Variants in ITGA9 observed in about 807,000 individuals in gnomAD.
The protein encoded by ITGA9 is integrin subunit alpha 9, also known as integrin alpha-9.
A neutral mutation model predicts 127.8 loss-of-function variants in ITGA9; 56 were observed. That is an observed-to-expected ratio of 0.44 (90% CI 0.35 to 0.55). ITGA9 has a LOEUF of 0.55. Ranked by LOEUF, ITGA9 falls within the 20% of genes least tolerant of loss-of-function variation. The probability of loss-of-function intolerance (pLI) is 0.00; values close to 1 mark genes in which losing one functional copy is unlikely to be tolerated. For synonymous variants in ITGA9, 508 were observed against 514.5 expected (o/e 0.99, Z 0.17); for missense variants, 1,196 against 1,347.1 (o/e 0.89, Z 1.76).
intron 14 of ITGA9, among the ~76,000 whole-genome samples, chr3:37,541,719 G>A (rs542835138): frequency 3.2e-4 from 48 of 152,158 alleles, no homozygotes; most frequent in Non-Finnish European, 4.1e-4. Flanking sequence ...CAAAATGTTT[G>A]ATCACCACAC....
chr3:37,479,950 GA>G (rs1170160656), intron 3 of ITGA9, among the ~76,000 whole-genome samples: 1 of 152,146 alleles, frequency 6.6e-6, no homozygotes, highest in Non-Finnish European at 1.5e-5. Flanking sequence ...TATCACTTAC[GA>G]AAACAATGCG....
chr3:37,725,063 C>A (rs17036823), intron 18 of ITGA9, among the ~76,000 whole-genome samples: 2,853 of 152,298 alleles, frequency 0.019, 84 homozygotes, highest in African/African-American at 0.065. Context: ...TCTTTCATGA[C>A]CCCTGCTGGA....
At chr3:37,721,139 T>A (rs1701185999) in intron 18 of ITGA9, among the ~76,000 whole-genome samples, 2 of 104,832 alleles carry the variant, frequency 1.9e-5, no homozygotes, top group South Asian at 3.5e-4. Context: ...TTTTTTTTTT[T>A]AAGAAAAAAT....
chr3:37,815,816 G>A (rs1340023863), intron 27 of ITGA9, among the ~76,000 whole-genome samples: 2 of 152,186 alleles, frequency 1.3e-5, no homozygotes, highest in Non-Finnish European at 2.9e-5. Context: ...TCACAGTTCT[G>A]TGGGTTGGCT....
intron 18 of ITGA9, among the ~76,000 whole-genome samples, chr3:37,690,618 C>G (rs139992079): frequency 6.6e-6 from 1 of 152,240 alleles, no homozygotes; most frequent in East Asian, 1.9e-4. Flanking sequence ...CATGAGGGCT[C>G]CCAGCTGACT....
chr3:37,723,506 G>A (rs951772283), intron 18 of ITGA9, among the ~76,000 whole-genome samples: 37 of 152,188 alleles, frequency 2.4e-4, no homozygotes, highest in African/African-American at 8.4e-4. Context: ...GGCTACAGAT[G>A]TGTGCTACTA....
rs1387993194 is a variant in ITGA9 at position 37,452,686 on chromosome 3, C to G, written c.185+127C>G. ...CCCGAGGGGGCGATTTAAATGTCTC[C>G]GTTGCGCGCGGCTCGGCCGCCGGGG... is the stretch of plus-strand genomic sequence containing the variant. On this transcript the variant is annotated intron_variant, in intron 1 of 27. Coordinates refer to ENST00000264741, the MANE Select transcript of ITGA9 (RefSeq NM_002207.3). This position sits in a 1 kb window ranked among gnomAD's most constrained non-coding sequence, Gnocchi z 7.3. 17 of 818,102 alleles carry G rather than the reference C, an allele frequency of 2.1e-5. No homozygotes were observed. The highest frequency in any genetic ancestry group is 2.9e-5 in the Non-Finnish European group (17 of 586,570). The allele number at this position is 818,102 out of a possible 1,614,324, so 50.7% of individuals were successfully genotyped here.
chr3:37,537,746 G>C (rs1378712584), intron 14 of ITGA9, among the ~76,000 whole-genome samples: 2 of 152,218 alleles, frequency 1.3e-5, no homozygotes, highest in Non-Finnish European at 2.9e-5. Flanking sequence ...GGCCCCTTGT[G>C]TGGCATGCAC....
intron 22 of ITGA9, chr3:37,748,790 A>G (rs1398315739): frequency 1.4e-6 from 1 of 730,714 alleles, no homozygotes; most frequent in Admixed American, 2.1e-5. Flanking sequence ...ACAGAAAGAT[A>G]CCTGGGTCCA....
chr3:37,672,473 G>T (rs1356310393), intron 17 of ITGA9, among the ~76,000 whole-genome samples: 1 of 152,190 alleles, frequency 6.6e-6, no homozygotes, highest in Non-Finnish European at 1.5e-5. Context: ...CAGCCATGTG[G>T]AACTGTGAGT....
intron 9 of ITGA9, among the ~76,000 whole-genome samples, chr3:37,515,931 C>T (rs1024740169): frequency 6.6e-6 from 1 of 152,128 alleles, no homozygotes; most frequent in African/African-American, 2.4e-5. Context: ...CTTATTGGTA[C>T]CTGTTGCAGG....
intron 27 of ITGA9, among the ~76,000 whole-genome samples, chr3:37,810,365 G>A (rs1047395266): frequency 1.3e-5 from 2 of 152,112 alleles, no homozygotes; most frequent in Non-Finnish European, 2.9e-5. Context: ...CTACTAGGTG[G>A]CAGGCCCTGG....
chr3:37,547,321 C>T (rs182095531), intron 15 of ITGA9, among the ~76,000 whole-genome samples: 1 of 152,330 alleles, frequency 6.6e-6, no homozygotes, highest in East Asian at 1.9e-4. Context: ...TAAGTGGCTG[C>T]AGCTCCTTCC....
intron 15 of ITGA9, among the ~76,000 whole-genome samples, chr3:37,620,172 G>A (rs1700114435): frequency 6.6e-6 from 1 of 152,208 alleles, no homozygotes; most frequent in Non-Finnish European, 1.5e-5. Context: ...AGGGGCATGG[G>A]TCACTGGCAT....
chr3:37,464,333 A>C (rs961900153), intron 1 of ITGA9, among the ~76,000 whole-genome samples: 5 of 149,618 alleles, frequency 3.3e-5, no homozygotes, highest in Non-Finnish European at 7.4e-5. Context: ...AACTTTTGCA[A>C]TTCTAAGGAT....
chr3:37,656,948 CAT>C (rs963749283), intron 17 of ITGA9, among the ~76,000 whole-genome samples: 6 of 151,884 alleles, frequency 4.0e-5, no homozygotes, highest in African/African-American at 9.7e-5. Flanking sequence ...TTGAGATAAT[CAT>C]GTGTTTTTTT....
At chr3:37,550,647 G>C (rs574915609) in intron 15 of ITGA9, among the ~76,000 whole-genome samples, 1 of 152,300 alleles carries the variant, frequency 6.6e-6, no homozygotes, top group South Asian at 2.1e-4. Context: ...ATAGATGATA[G>C]TAAAGTATGG....
intron 15 of ITGA9, among the ~76,000 whole-genome samples, chr3:37,563,748 C>T (rs1158383592): frequency 1.3e-5 from 2 of 152,166 alleles, no homozygotes; most frequent in African/African-American, 2.4e-5. Flanking sequence ...TCCATCACAC[C>T]CATCTGAAGT....
At chr3:37,585,716 AT>A (rs1386672417) in intron 15 of ITGA9, 2 of 494,440 alleles carry the variant, frequency 4.0e-6, no homozygotes, top group Non-Finnish European at 8.1e-6. Context: ...GCCTTACTTT[AT>A]TTGCGAAGGG....
Sources: allele counts gnomAD v4.1 joint callset (sites outside exome capture counted in the v4.1 genomes callset), GRCh38; gene constraint gnomAD v4.1.1; non-coding constraint Gnocchi (gnomAD v3.1); transcripts MANE v1.5; gene names NCBI Gene and HGNC (gene_info 2026-07-23, HGNC 2026-07-21).